The following BCAS3 variants were observed in gnomAD, a reference collection of about 807,000 sequenced individuals.
BCAS3 encodes BCAS4/BCAS3 fusion.
Under a neutral mutation model 116.1 loss-of-function variants are expected in BCAS3, and 53 were observed. The observed-to-expected ratio is 0.46, with a 90% CI of 0.37 to 0.57. BCAS3 has a LOEUF of 0.57. Ranked by LOEUF, BCAS3 falls within the 20% of genes least tolerant of loss-of-function variation. The probability of loss-of-function intolerance (pLI) is 0.00; values close to 1 mark genes in which losing one functional copy is unlikely to be tolerated. For synonymous variants in BCAS3, 391 were observed against 408.2 expected (o/e 0.96, Z 0.51); for missense variants, 917 against 1,165.4 (o/e 0.79, Z 3.10).
intron 22 of BCAS3, among the ~76,000 whole-genome samples, chr17:61,108,049 A>G (rs1214366606): frequency 2.0e-5 from 3 of 152,058 alleles, no homozygotes; most frequent in Non-Finnish European, 2.9e-5. Context: ...AGGTATGTCT[A>G]TTTCTTCCTT....
At position 60,938,172 on chromosome 17, in the gene BCAS3, G is replaced by A. The variant is rs1258558889; in HGVS notation, c.1088-9047G>A. ...GCCTCCCAAAGTGCTGGAGTTACAG[G>A]CGTGAGCCACTGCACCCGGCCAAAA... On this transcript the variant is annotated intron_variant, in intron 13 of 23. Transcript: ENST00000407086. Among the ~76,000 whole-genome samples, 4 of 152,286 alleles carry A rather than the reference G, an allele frequency of 2.6e-5. No homozygotes were observed. The South Asian group carries it at 6.2e-4, about 24-fold the overall frequency.
intron 7 of BCAS3, among the ~76,000 whole-genome samples, chr17:60,830,104 G>A (rs1443690008): frequency 1.3e-5 from 2 of 152,118 alleles, no homozygotes; most frequent in Non-Finnish European, 2.9e-5. Flanking sequence ...CGATTCTCCT[G>A]CCTCAGCTGC....
chr17:61,078,417 C>A lies in BCAS3; in HGVS notation c.2215C>A (p.Gln739Lys). The A allele has an allele frequency of 6.2e-7, 1 of 1,614,124 alleles. No homozygotes were observed. The highest frequency in any genetic ancestry group is 8.5e-7 in the Non-Finnish European group (1 of 1,180,010). ...GTTCAAAACCATCCATCCCTCAGGC[C>A]AAACCACAGTTATCTCATCCAGTTC... is the stretch of plus-strand genomic sequence containing the variant. The part of the protein sequence containing the change: ...FQFKTIHPSG[Q>K]TTVISSSSSV... Residue 739 changes from glutamine (Q) to lysine (K), a missense_variant, in exon 21 of 24, where the codon CAA (glutamine) becomes AAA (lysine). By Grantham distance (53) the Gln-to-Lys change is moderately conservative. Around this residue, in one of 3 missense-constraint regions of BCAS3, gnomAD observed 807 missense variants for 1,026.0 expected, o/e 0.79. Transcript: ENST00000407086.
In BCAS3 at chr17:61,366,719, A is replaced by C. The variant is rs1407656112; in HGVS notation, c.2426-1608A>C. On this transcript the variant is annotated intron_variant, in intron 22 of 23. Coordinates refer to ENST00000407086, the MANE Select transcript of BCAS3 (RefSeq NM_017679.5). The surrounding 1 kb of genome is among the most constrained non-coding windows in gnomAD (Gnocchi z 4.5). ...GCTGATCCCAAGCAACCCACTCCTAAGGTGGGCCTCTTCTTGGGGAGATGC... is the reference window on the plus strand; with the variant it reads ...GCTGATCCCAAGCAACCCACTCCTACGGTGGGCCTCTTCTTGGGGAGATGC... Among the ~76,000 whole-genome samples the C allele has an allele frequency of 6.6e-6, 1 of 152,208 alleles. No individual in the cohort carries two copies. The highest frequency in any genetic ancestry group is 1.5e-5 in the Non-Finnish European group (1 of 68,034).
chr17:60,906,787 T>A (rs1273435020), intron 11 of BCAS3, among the ~76,000 whole-genome samples: 1 of 152,186 alleles, frequency 6.6e-6, no homozygotes, highest in Non-Finnish European at 1.5e-5. Context: ...ATTTATTTTT[T>A]AACCATTTCT....
rs936903019 is a variant in BCAS3, at chr17:61,122,900, C to G, written c.2425+38336C>G. ...ATGGCTTATCTCAGAAAACTTGACCCAAGAGATAAAGACTGTGAAAGATTC... is the reference window on the plus strand; with the variant it reads ...ATGGCTTATCTCAGAAAACTTGACCGAAGAGATAAAGACTGTGAAAGATTC... On this transcript the variant is annotated intron_variant, in intron 22 of 23. Coordinates refer to ENST00000407086, the MANE Select transcript of BCAS3 (RefSeq NM_017679.5). The surrounding 1 kb of genome is among the most constrained non-coding windows in gnomAD (Gnocchi z 4.6). Among the ~76,000 whole-genome samples, 5 of 151,196 alleles carry G rather than the reference C, an allele frequency of 3.3e-5. No individual in the cohort carries two copies. Among genetic ancestry groups the G allele is most frequent in the Admixed American group, 6.6e-5 (1 of 15,194 alleles).
At chr17:61,357,511 C>G (rs1389047141) in intron 22 of BCAS3, among the ~76,000 whole-genome samples, 1 of 148,870 alleles carries the variant, frequency 6.7e-6, no homozygotes, top group African/African-American at 2.4e-5. Flanking sequence ...GTGGCGCGAT[C>G]TCGGCTCACT....
At chr17:61,284,156 C>A (rs949316453) in intron 22 of BCAS3, among the ~76,000 whole-genome samples, 1 of 152,180 alleles carries the variant, frequency 6.6e-6, no homozygotes, top group Non-Finnish European at 1.5e-5. Context: ...GACCAATCAT[C>A]ACTCTGTAAA....
Position 61,387,795 on chromosome 17 carries a change from G to A in BCAS3, c.2594-4182G>A, listed in dbSNP as rs2059931930. 6.6e-6 allele frequency among the ~76,000 whole-genome samples: 1 copy of A among 152,156 alleles called. No homozygotes were observed. Among genetic ancestry groups the A allele is most frequent in the Non-Finnish European group, 1.5e-5 (1 of 68,030 alleles). ...GATGGGGGTGGGAGGTGAAGAACCA[G>A]AGCTAGTGGTTGCTTCGTCTTCCTT... On this transcript the variant is annotated intron_variant, in intron 23 of 23. Coordinates refer to ENST00000407086, the MANE Select transcript of BCAS3 (RefSeq NM_017679.5). This position sits in a 1 kb window ranked among gnomAD's most constrained non-coding sequence, Gnocchi z 6.2.
At chr17:61,289,234 C>T (rs1427978921) in intron 22 of BCAS3, among the ~76,000 whole-genome samples, 6 of 152,158 alleles carry the variant, frequency 3.9e-5, no homozygotes, top group Non-Finnish European at 8.8e-5. Context: ...CTCAGAGTGG[C>T]GGGGTGTGGT....
intron 7 of BCAS3, among the ~76,000 whole-genome samples, chr17:60,812,286 A>G (rs2048904053): frequency 6.6e-6 from 1 of 152,208 alleles, no homozygotes; most frequent in Non-Finnish European, 1.5e-5. Context: ...GCAAGAGGAC[A>G]AAAAATCAGA....
rs542383190 is a variant in BCAS3 at position 60,778,252 on chromosome 17, G to A, written c.404-29752G>A. ...AATCTGTAACACTATGGTCTTTAGC[G>A]TCTCTTGTCTAGAATTTGTGATTTT... On this transcript the variant is annotated intron_variant, in intron 6 of 23. Coordinates refer to ENST00000407086, the MANE Select transcript of BCAS3 (RefSeq NM_017679.5). Among the ~76,000 whole-genome samples the A allele has an allele frequency of 5.9e-5, 9 of 151,362 alleles. No homozygotes were observed. The South Asian group carries it at 1.0e-3, about 18-fold the overall frequency.
At chr17:60,951,669 A>G (rs575863167) in intron 14 of BCAS3, among the ~76,000 whole-genome samples, 8 of 152,220 alleles carry the variant, frequency 5.3e-5, no homozygotes, top group African/African-American at 1.9e-4. Flanking sequence ...TTAAAGATCA[A>G]TAGTTCTTAA....
At position 60,956,697 on chromosome 17, in the gene BCAS3, A is replaced by C. The variant is rs1050230104; in HGVS notation, c.1221+9345A>C. On this transcript the variant is annotated intron_variant, in intron 14 of 23. Transcript: ENST00000407086. The surrounding 1 kb of genome is among the most constrained non-coding windows in gnomAD (Gnocchi z 4.2). ...TACTTAACAGGTAGGAAAGTCAAATAGAAATTATTTAAATGATTATGCTCT... is the reference window on the plus strand; with the variant it reads ...TACTTAACAGGTAGGAAAGTCAAATCGAAATTATTTAAATGATTATGCTCT... Among the ~76,000 whole-genome samples the C allele has an allele frequency of 2.0e-5, 3 of 152,192 alleles. No individual in the cohort carries two copies. Among genetic ancestry groups the C allele is most frequent in the Non-Finnish European group, 4.4e-5 (3 of 68,022 alleles).
intron 14 of BCAS3, among the ~76,000 whole-genome samples, chr17:60,972,740 CTG>C (rs1325632344): frequency 6.6e-6 from 1 of 152,146 alleles, no homozygotes; most frequent in Non-Finnish European, 1.5e-5. Context: ...GCATGGGTCA[CTG>C]TGTCCAGCCC....
At position 61,343,410 on chromosome 17, in the gene BCAS3, G is replaced by A. The variant is rs114721838; in HGVS notation, c.2426-24917G>A. ...CCGACCCAGGCAGGAGCAGCGATCTGGCCATGGTTTATAGCAACAGGGAGT... is the reference window on the plus strand; with the variant it reads ...CCGACCCAGGCAGGAGCAGCGATCTAGCCATGGTTTATAGCAACAGGGAGT... On this transcript the variant is annotated intron_variant, in intron 22 of 23. Coordinates refer to ENST00000407086, the MANE Select transcript of BCAS3 (RefSeq NM_017679.5). This position sits in a 1 kb window ranked among gnomAD's most constrained non-coding sequence, Gnocchi z 5.5. Among the ~76,000 whole-genome samples the A allele has an allele frequency of 0.033, 4,964 of 152,278 alleles. 274 individuals carry two copies. Among genetic ancestry groups the A allele is most frequent in the African/African-American group, 0.11 (4,651 of 41,544 alleles).
At chr17:60,894,599 C>T (rs1247791121) in intron 10 of BCAS3, among the ~76,000 whole-genome samples, 1 of 152,154 alleles carries the variant, frequency 6.6e-6, no homozygotes, top group African/African-American at 2.4e-5. Flanking sequence ...GACTTCAGTA[C>T]TGTGTCGAAT....
Position 61,125,553 on chromosome 17 carries a change from A to G in BCAS3, c.2425+40989A>G, listed in dbSNP as rs139870837. Among the ~76,000 whole-genome samples, 420 of 152,324 alleles carry G rather than the reference A, an allele frequency of 2.8e-3. 1 individual carries two copies. The highest frequency in any genetic ancestry group is 9.8e-3 in the African/African-American group (406 of 41,562). ...ATTGACAAAAAAAATTTTTATCAAT[A>G]TAATTTTATGGATATTTGATTGTGT... On this transcript the variant is annotated intron_variant, in intron 22 of 23. Coordinates refer to ENST00000407086, the MANE Select transcript of BCAS3 (RefSeq NM_017679.5).
At chr17:60,997,553 T>G (rs1056910874) in intron 15 of BCAS3, among the ~76,000 whole-genome samples, 2 of 152,196 alleles carry the variant, frequency 1.3e-5, no homozygotes, top group African/African-American at 4.8e-5. Flanking sequence ...TCTAGGAGAA[T>G]AGGCATTCCT....
Sources: allele counts gnomAD v4.1 joint callset (sites outside exome capture counted in the v4.1 genomes callset), GRCh38; gene constraint gnomAD v4.1.1; regional missense constraint gnomAD v4.1.1; non-coding constraint Gnocchi (gnomAD v3.1); transcripts MANE v1.5; gene names NCBI Gene and HGNC (gene_info 2026-07-23, HGNC 2026-07-21).